ZNF727: variants seen among roughly 807,000 people sequenced by gnomAD.
The protein encoded by ZNF727 is putative zinc finger protein 727.
ZNF727 carries 11 observed loss-of-function variants against 11.5 expected under a neutral mutation model. The ratio of observed to expected loss-of-function variants is 0.95; its 90% confidence interval spans 0.60 to 1.58. ZNF727 has a LOEUF of 1.58. ZNF727 is among the 40% of genes most tolerant of loss of function. ZNF727 has a pLI of 0.00. For synonymous variants in ZNF727, 171 were observed against 196.1 expected, an observed-to-expected ratio of 0.87 and a Z score of 1.07; for missense variants, 533 against 581.7, an observed-to-expected ratio of 0.92 and a Z score of 0.86.
chr7:64,073,027 G>A (rs1789986441), intron 3 of ZNF727, among the ~76,000 whole-genome samples: 1 of 151,796 alleles, frequency 6.6e-6, no homozygotes, highest in African/African-American at 2.4e-5. Flanking sequence ...CTGTTCTAGG[G>A]GTAATGAACA....
chr7:64,067,174 T>A (rs1403837406), intron 1 of ZNF727, among the ~76,000 whole-genome samples: 3 of 152,082 alleles, frequency 2.0e-5, no homozygotes, highest in African/African-American at 2.4e-5. Flanking sequence ...ATTAGAGAAA[T>A]GTAAATCAAA....
At position 64,082,616 on chromosome 7, in the gene ZNF727, C is replaced by G. The variant is rs982199542; in HGVS notation, c.*4067C>G. Among the ~76,000 whole-genome samples, 1 of 152,198 alleles carries G rather than the reference C, an allele frequency of 6.6e-6. No individual in the cohort carries two copies. Among genetic ancestry groups the G allele is most frequent in the Non-Finnish European group, 1.5e-5 (1 of 68,036 alleles). ...GTAGGCTGGGCGCAGTGGCTCATGC[C>G]TGTAACCCTAGCACTTTGGGAGGCC... is the stretch of plus-strand genomic sequence containing the variant. On this transcript the variant is annotated 3_prime_UTR_variant, in exon 4 of 4. Coordinates refer to ENST00000456806, the MANE Select transcript of ZNF727 (RefSeq NM_001159522.3).
intron 1 of ZNF727, among the ~76,000 whole-genome samples, chr7:64,046,377 C>T (rs1366103780): frequency 6.6e-6 from 1 of 152,148 alleles, no homozygotes; most frequent in African/African-American, 2.4e-5. Flanking sequence ...TTTTCCAGCC[C>T]AACTCTCCTA....
intron 1 of ZNF727, among the ~76,000 whole-genome samples, chr7:64,047,810 G>C (rs1789532455): frequency 6.6e-6 from 1 of 152,210 alleles, no homozygotes; most frequent in African/African-American, 2.4e-5. Flanking sequence ...AACCAATCAG[G>C]TGCTGGTATT....
intron 3 of ZNF727, among the ~76,000 whole-genome samples, chr7:64,071,748 G>C (rs1789965457): frequency 1.3e-5 from 2 of 151,878 alleles, no homozygotes; most frequent in Admixed American, 1.3e-4. Flanking sequence ...TTTATATTTA[G>C]TTAATTTTAA....
chr7:64,061,114 C>A (rs1036761527), intron 1 of ZNF727, among the ~76,000 whole-genome samples: 1 of 152,092 alleles, frequency 6.6e-6, no homozygotes, highest in Non-Finnish European at 1.5e-5. Context: ...TTGAGAATAA[C>A]CCAGGGGCTG....
At chr7:64,062,811 T>C (rs1222805349) in intron 1 of ZNF727, among the ~76,000 whole-genome samples, 1 of 150,094 alleles carries the variant, frequency 6.7e-6, no homozygotes, top group Non-Finnish European at 1.5e-5. Flanking sequence ...ATTTTTTTTT[T>C]GTCTCATCTG....
chr7:64,058,297 G>A (rs1362017294), intron 1 of ZNF727, among the ~76,000 whole-genome samples: 1 of 152,036 alleles, frequency 6.6e-6, no homozygotes, highest in African/African-American at 2.4e-5. Flanking sequence ...CATAGGAAGT[G>A]AGTTATGAGG....
chr7:64,073,023 T>C (rs955844818), intron 3 of ZNF727, among the ~76,000 whole-genome samples: 5 of 152,186 alleles, frequency 3.3e-5, no homozygotes, highest in Non-Finnish European at 7.4e-5. Flanking sequence ...AAGACTGTTC[T>C]AGGGGTAATG....
At chr7:64,051,250 C>A (rs542926518) in intron 1 of ZNF727, among the ~76,000 whole-genome samples, 324 of 152,208 alleles carry the variant, frequency 2.1e-3, no homozygotes, top group Non-Finnish European at 3.6e-3. Context: ...GAGGCCAAAT[C>A]CAAGAAATCC....
Position 64,078,784 on chromosome 7 carries a change from T to C in ZNF727, c.*235T>C, listed in dbSNP as rs1785736963. Among the ~76,000 whole-genome samples, 1 of 152,110 alleles carries C rather than the reference T, an allele frequency of 6.6e-6. No individual in the cohort carries two copies. Among genetic ancestry groups the C allele is most frequent in the Admixed American group, 6.5e-5 (1 of 15,272 alleles). On this transcript the variant is annotated 3_prime_UTR_variant, in exon 4 of 4. Transcript: ENST00000456806. ...AAAACCTGTGTTTCTCAGACCTGACTAATCAAAAGAGAATTCACCCTGGAG... is the reference window on the plus strand; with the variant it reads ...AAAACCTGTGTTTCTCAGACCTGACCAATCAAAAGAGAATTCACCCTGGAG...
At chr7:64,058,065 GCTC>G (rs1310142050) in intron 1 of ZNF727, among the ~76,000 whole-genome samples, 3 of 152,098 alleles carry the variant, frequency 2.0e-5, no homozygotes, top group Non-Finnish European at 4.4e-5. Context: ...GAGTTGTTTT[GCTC>G]ATGTTTTTGA....
chr7:64,054,264 CT>C (rs1340450859), intron 1 of ZNF727, among the ~76,000 whole-genome samples: 1 of 152,140 alleles, frequency 6.6e-6, no homozygotes, highest in Non-Finnish European at 1.5e-5. Context: ...TCAGGTTTGT[CT>C]TCAAAAGGAG....
rs1355111352 is a variant in ZNF727, at chr7:64,084,153, C to A, written c.*5604C>A. Among the ~76,000 whole-genome samples, 1 of 152,054 alleles carries A rather than the reference C, an allele frequency of 6.6e-6. No individual in the cohort carries two copies. Among genetic ancestry groups the A allele is most frequent in the African/African-American group, 2.4e-5 (1 of 41,396 alleles). Reference sequence around the variant, plus strand: ...GAAGAAATTCTAAGTGGAAAGGCCACTTAGTGGTTGATTTACAACAGCATT... The same window carrying A: ...GAAGAAATTCTAAGTGGAAAGGCCAATTAGTGGTTGATTTACAACAGCATT... On this transcript the variant is annotated 3_prime_UTR_variant, in exon 4 of 4. Transcript: ENST00000456806.
intron 1 of ZNF727, among the ~76,000 whole-genome samples, chr7:64,053,850 C>T (rs547990836): frequency 1.3e-5 from 2 of 152,246 alleles, no homozygotes; most frequent in East Asian, 1.9e-4. Flanking sequence ...ACGGAGTGGG[C>T]GGGACATGAC....
At chr7:64,053,067 A>C (rs1789627103) in intron 1 of ZNF727, among the ~76,000 whole-genome samples, 1 of 152,074 alleles carries the variant, frequency 6.6e-6, no homozygotes, top group East Asian at 1.9e-4. Context: ...TTAATGCTGA[A>C]ATTAGTTGAG....
intron 1 of ZNF727, among the ~76,000 whole-genome samples, chr7:64,064,415 C>A (rs1419167285): frequency 6.6e-6 from 1 of 152,160 alleles, no homozygotes; most frequent in South Asian, 2.1e-4. Context: ...GAAAGGGGGC[C>A]TCAGAGCTTT....
At chr7:64,062,703 T>TATATATATATATATATATATATATAA (rs1789792096) in intron 1 of ZNF727, among the ~76,000 whole-genome samples, 1 of 145,406 alleles carries the variant, frequency 6.9e-6, no homozygotes, top group Non-Finnish European at 1.5e-5. Context: ...TATATATATA[T>TATATATATATATATATATATATATAA]GAAGTTCTCA....
intron 1 of ZNF727, among the ~76,000 whole-genome samples, chr7:64,046,671 A>G (rs1562788554): frequency 6.6e-6 from 1 of 152,264 alleles, no homozygotes. Flanking sequence ...ACCATGAGCC[A>G]GTTAATCCTC....
Sources: allele counts gnomAD v4.1 joint callset (sites outside exome capture counted in the v4.1 genomes callset), GRCh38; gene constraint gnomAD v4.1.1; transcripts MANE v1.5; gene names NCBI Gene and HGNC (gene_info 2026-07-23, HGNC 2026-07-21).